Variants in HUWE1 observed in about 807,000 individuals in gnomAD.
HUWE1 encodes HECT, UBA and WWE domain containing E3 ubiquitin protein ligase 1.
A neutral mutation model predicts 299.4 loss-of-function variants in HUWE1; 18 were observed. The ratio of observed to expected loss-of-function variants is 0.06; its 90% CI spans 0.04 to 0.09. The LOEUF (loss-of-function observed/expected upper bound fraction) is 0.09. Ranked by LOEUF, HUWE1 falls within the 10% of genes least tolerant of loss-of-function variation. The pLI is 1.00. For missense variants in HUWE1, 1,832 were observed against 3,462.3 expected (o/e 0.53, Z 11.82); for synonymous variants, 1,317 against 1,286.1 (o/e 1.02, Z -0.51).
intron 39 of HUWE1, among the ~76,000 whole-genome samples, chrX:53,585,895 C>T (rs1556972867): frequency 9.0e-6 from 1 of 111,115 alleles, no homozygotes; most frequent in Non-Finnish European, 1.9e-5. Flanking sequence ...CCATGTGTTG[C>T]CCAAGCTGGT....
chrX:53,645,734 AAAATATATATATATATATAT>A (rs2067959687), intron 6 of HUWE1, among the ~76,000 whole-genome samples: 1 of 18,203 alleles, frequency 5.5e-5, no homozygotes, highest in Non-Finnish European at 1.1e-4. Context: ...AAAAAAAAAA[AAAATATATATATATATATAT>A]ATATATATAT....
chrX:53,603,285 CCCT>C (rs2064977971), intron 27 of HUWE1, 80 bp downstream of exon 27: 1 of 1,001,147 alleles, frequency 1.0e-6, no homozygotes, highest in African/African-American at 1.9e-5. Flanking sequence ...CTCTTCCATA[CCCT>C]CCTATCCCCA....
chrX:53,651,500 C>T (rs1365173929), intron 4 of HUWE1, among the ~76,000 whole-genome samples: 3 of 111,975 alleles, frequency 2.7e-5, no homozygotes, highest in Non-Finnish European at 5.6e-5. Context: ...TACACATCCT[C>T]CTATATACTT....
chrX:53,570,216 CTGTG>C (rs72291801), intron 47 of HUWE1, among the ~76,000 whole-genome samples: 1 of 112,281 alleles, frequency 8.9e-6, no homozygotes, highest in African/African-American at 3.3e-5. Context: ...TCTCAAACTC[CTGTG>C]TGTGTGTTCT....
intron 3 of HUWE1, among the ~76,000 whole-genome samples, chrX:53,664,568 G>C (rs1411447434): frequency 2.7e-5 from 3 of 111,940 alleles, no homozygotes; most frequent in African/African-American, 9.7e-5. Flanking sequence ...GAGTGGGGAT[G>C]AATCAAAATG....
rs782608332 is a variant in HUWE1, at chrX:53,588,569, C to T, written c.4462-35G>A. Reference sequence around the variant, plus strand: ...CAAAAAAAGGGTTAAGTCACGGAACCGCAGAGCAAGATGAGGTTTCTGAAA... The same window carrying T: ...CAAAAAAAGGGTTAAGTCACGGAACTGCAGAGCAAGATGAGGTTTCTGAAA... On this transcript the variant is annotated intron_variant, in intron 36 of 83. Transcript: ENST00000262854. The T allele has an allele frequency of 1.4e-5, 16 of 1,169,891 alleles. No individual in the cohort carries two copies. The East Asian group carries it at 4.3e-4, about 31-fold the overall frequency.
intron 29 of HUWE1, among the ~76,000 whole-genome samples, chrX:53,596,505 T>G (rs62617499): frequency 0.02 from 2,228 of 112,105 alleles, 20 homozygotes; most frequent in Non-Finnish European, 0.028. Flanking sequence ...AAATAAGCAG[T>G]ATTGAGTAAC....
At position 53,542,450 on chromosome X, in the gene HUWE1, T is replaced by C. The variant is rs782323276; in HGVS notation, c.11469A>G (p.Gln3823=). 1 of 1,171,520 alleles carries C rather than the reference T, an allele frequency of 8.5e-7. No homozygotes were observed. Among genetic ancestry groups the C allele is most frequent in the South Asian group, 1.8e-5 (1 of 56,100 alleles). Residue 3823 remains glutamine (Q), a synonymous_variant, in exon 74 of 84, where the codon CAA becomes CAG. Coordinates refer to ENST00000262854, the MANE Select transcript of HUWE1 (RefSeq NM_031407.7). ...DQPSPSAQDT[Q]SIASDGTPQG... is the part of the protein sequence containing the mutation. The stretch of plus-strand genomic sequence containing the variant: ...ACAGGAAGTAGTACTGACCAATGGA[T>C]TGAGTATCTTGAGCACTGGGAGATG...
At chrX:53,553,007 C>T (rs2061827770) in intron 61 of HUWE1, 114 bp from the exon 62 acceptor site, 2 of 799,441 alleles carry the variant, frequency 2.5e-6, no homozygotes, top group Non-Finnish European at 3.7e-6. Context: ...AGACTTCTCA[C>T]TTCTCCCTTG....
intron 5 of HUWE1, among the ~76,000 whole-genome samples, chrX:53,647,999 T>G (rs1333674698): frequency 8.9e-6 from 1 of 112,521 alleles, no homozygotes; most frequent in African/African-American, 3.2e-5. Context: ...TTGAGATTCT[T>G]AAGCATCACC....
At chrX:53,539,227 TC>T in intron 75 of HUWE1, 147 bp from the exon 76 acceptor site, 1 of 640,452 alleles carries the variant, frequency 1.6e-6, no homozygotes, top group Non-Finnish European at 2.3e-6. Context: ...ACACCTATGA[TC>T]CCAGCACTTT....
intron 11 of HUWE1, among the ~76,000 whole-genome samples, 168 bp downstream of exon 11, chrX:53,631,246 A>C (rs781974055): frequency 9.0e-6 from 1 of 111,609 alleles, no homozygotes; most frequent in Non-Finnish European, 1.9e-5. Flanking sequence ...TTAAGTGTTA[A>C]CCTCATAAAA....
intron 4 of HUWE1, among the ~76,000 whole-genome samples, chrX:53,648,550 CAA>C (rs1272859181): frequency 6.2e-5 from 6 of 96,370 alleles, no homozygotes; most frequent in African/African-American, 1.7e-4. Flanking sequence ...CAAAAAAAAA[CAA>C]AAAACAAAAC....
chrX:53,583,909 A>G lies in HUWE1; in HGVS notation c.5169T>C (p.Pro1723=), dbSNP rs1556970537. The change falls in exon 42 of 84, where the codon CCT becomes CCC. Residue 1723 remains proline, a synonymous_variant. Transcript: ENST00000262854. ...CAGTGTTTGTACTCTCTAGGGCCAA[A>G]GGGGTATCTATAAAATGGGAAAATA... is the stretch of plus-strand genomic sequence containing the variant. ...KRKENKGNDT[P]LALESTNTEK... 1 of 1,182,248 alleles carries G rather than the reference A, an allele frequency of 8.5e-7. No individual in the cohort carries two copies.
chrX:53,651,293 T>C (rs1557039884), intron 4 of HUWE1, among the ~76,000 whole-genome samples: 1 of 111,140 alleles, frequency 9.0e-6, no homozygotes, highest in Admixed American at 9.6e-5. Context: ...ACCTCCAAGT[T>C]TCCTTGTGTC....
intron 33 of HUWE1, 46 bp downstream of exon 33, chrX:53,592,352 A>T: frequency 1.0e-6 from 1 of 960,768 alleles, no homozygotes; most frequent in Admixed American, 2.2e-5. Flanking sequence ...ATCACACTCC[A>T]TTGGGTGCAA....
intron 3 of HUWE1, among the ~76,000 whole-genome samples, chrX:53,675,239 G>A (rs995883330): frequency 2.7e-5 from 3 of 111,446 alleles, no homozygotes; most frequent in African/African-American, 9.8e-5. Context: ...AGAGGCTGGA[G>A]CCCAGGTGTA....
chrX:53,656,001 T>C (rs782738629), intron 3 of HUWE1, among the ~76,000 whole-genome samples: 1 of 111,692 alleles, frequency 9.0e-6, no homozygotes, highest in Admixed American at 9.5e-5. Context: ...CCAAGAAATC[T>C]ATTTTAAAAG....
chrX:53,562,205 T>G lies in HUWE1; in HGVS notation c.7244A>C (p.His2415Pro). 1 of 1,204,236 alleles carries G rather than the reference T, an allele frequency of 8.3e-7. No homozygotes were observed. Among genetic ancestry groups the G allele is most frequent in the Non-Finnish European group, 1.1e-6 (1 of 888,518 alleles). The change falls in exon 54 of 84, where the codon CAC becomes CCC. Residue 2415 changes from histidine to proline, a missense_variant. This residue lies in a region of HUWE1 where 170 missense variants were observed against 335.8 expected (regional missense o/e 0.51). Transcript: ENST00000262854. ...GCCACTGCTGTCCTCTTCCTGAGTG[T>G]GCTCCTCCTCATCCTCAGGGTCCAG... Reference protein sequence around the residue: ...NILDPEDEEEHTQEEDSSGSN... With the variant: ...NILDPEDEEEPTQEEDSSGSN...
Sources: allele counts gnomAD v4.1 joint callset (sites outside exome capture counted in the v4.1 genomes callset), GRCh38; gene constraint gnomAD v4.1.1; regional missense constraint gnomAD v4.1.1; transcripts MANE v1.5; gene names NCBI Gene and HGNC (gene_info 2026-07-23, HGNC 2026-07-21).